PIGL: variants seen among roughly 807,000 people sequenced by gnomAD.
PIGL encodes N-acetylglucosaminyl-phosphatidylinositol de-N-acetylase.
Under a neutral mutation model 31.1 loss-of-function variants are expected in PIGL, and 22 were observed. The observed-to-expected ratio is 0.71, with a 90% CI of 0.51 to 1.01. The LOEUF (loss-of-function observed/expected upper bound fraction) is 1.01, where lower values mean the gene tolerates loss of function less well. PIGL is among the 50% of genes least tolerant of loss of function. PIGL has a pLI of 0.00. For synonymous variants in PIGL, 131 were observed against 117.4 expected (o/e 1.12, Z -0.75); for missense variants, 302 against 315.9 (o/e 0.96, Z 0.33).
At chr17:16,318,939 A>C (rs988220723) in intron 6 of PIGL, among the ~76,000 whole-genome samples, 2 of 151,354 alleles carry the variant, frequency 1.3e-5, no homozygotes, top group African/African-American at 2.4e-5. Flanking sequence ...CAAAAAAAAA[A>C]CAACAAAAAA....
chr17:16,311,185 C>A (rs1239745216), intron 3 of PIGL, among the ~76,000 whole-genome samples: 1 of 152,042 alleles, frequency 6.6e-6, no homozygotes, highest in Non-Finnish European at 1.5e-5. Flanking sequence ...CTTTTCATCA[C>A]CCCTAATCAA....
intron 1 of PIGL, among the ~76,000 whole-genome samples, chr17:16,230,966 T>C (rs1024241211): frequency 1.3e-5 from 2 of 151,680 alleles, no homozygotes; most frequent in African/African-American, 2.4e-5. Flanking sequence ...GATGCCTTCA[T>C]GCCCAGTCCA....
intron 2 of PIGL, among the ~76,000 whole-genome samples, chr17:16,285,361 TG>T (rs566613083): frequency 1.7e-4 from 25 of 150,612 alleles, no homozygotes; most frequent in African/African-American, 5.6e-4. Context: ...CCAAGGCAGG[TG>T]GATCACGAGG....
In PIGL at chr17:16,300,007, C is replaced by T. The variant is rs547748558; in HGVS notation, c.426+29C>T. ...AGGGGGCAGCTCCCTGAATGGAAAA[C>T]CTGAGGTCTTGGTCCCATTCACACC... On this transcript the variant is annotated intron_variant, in intron 3 of 6. Coordinates refer to ENST00000225609, the MANE Select transcript of PIGL (RefSeq NM_004278.4). 3 of 1,554,216 alleles carry T rather than the reference C, an allele frequency of 1.9e-6. No homozygotes were observed. In the South Asian group the frequency reaches 3.3e-5, roughly 17 times the overall value.
intron 1 of PIGL, among the ~76,000 whole-genome samples, chr17:16,220,368 A>C (rs1013093551): frequency 6.6e-6 from 1 of 151,660 alleles, no homozygotes; most frequent in African/African-American, 2.4e-5. Flanking sequence ...ATAGAGAGAG[A>C]GAGCATGCAC....
intron 1 of PIGL, among the ~76,000 whole-genome samples, chr17:16,221,006 T>C (rs2142632570): frequency 6.6e-6 from 1 of 152,260 alleles, no homozygotes; most frequent in East Asian, 1.9e-4. Flanking sequence ...CTGTCAGCTC[T>C]CATATCAGGT....
intron 2 of PIGL, among the ~76,000 whole-genome samples, chr17:16,249,807 T>C (rs2142724181): frequency 1.3e-5 from 2 of 152,364 alleles, no homozygotes; most frequent in Non-Finnish European, 2.9e-5. Context: ...CCTACCTACA[T>C]TGATGGCATG....
At position 16,310,286 on chromosome 17, in the gene PIGL, A is replaced by AGTGTGTGTGTGT. The variant is rs10522327; in HGVS notation, c.427-3234_427-3223dup. ...TAAAATGTCTTCTGAATTATTAAAA[A>AGTGTGTGTGTGT]GTGTGTGTGTGTGTGTGTGTGTGTG... On this transcript the variant is annotated intron_variant, in intron 3 of 6. Transcript: ENST00000225609. Among the ~76,000 whole-genome samples the AGTGTGTGTGTGT allele has an allele frequency of 1.1e-3, 159 of 146,368 alleles. 1 individual carries two copies. Among genetic ancestry groups the AGTGTGTGTGTGT allele is most frequent in the African/African-American group, 3.7e-3 (147 of 39,332 alleles).
intron 2 of PIGL, among the ~76,000 whole-genome samples, chr17:16,245,022 C>T (rs755121324): frequency 2.0e-5 from 3 of 151,196 alleles, no homozygotes; most frequent in Admixed American, 6.6e-5. Context: ...GACGGAGTTT[C>T]GCTCTTGTTG....
intron 2 of PIGL, among the ~76,000 whole-genome samples, chr17:16,292,233 C>T (rs2092964176): frequency 6.6e-6 from 1 of 151,728 alleles, no homozygotes; most frequent in African/African-American, 2.4e-5. Flanking sequence ...TGTGCTTCAC[C>T]GTGTTGGCCA....
intron 6 of PIGL, among the ~76,000 whole-genome samples, chr17:16,320,278 G>A (rs1291681168): frequency 9.0e-6 from 1 of 111,670 alleles, no homozygotes; most frequent in East Asian, 3.1e-4. Context: ...GAGGAGAGGG[G>A]AGGGGAGGGA....
In PIGL at chr17:16,298,461, C is replaced by T. The variant is rs1224292455; in HGVS notation, c.336-1427C>T. Among the ~76,000 whole-genome samples, 6 of 152,048 alleles carry T rather than the reference C, an allele frequency of 3.9e-5. No homozygotes were observed. The East Asian group carries it at 1.2e-3, about 29-fold the overall frequency. On this transcript the variant is annotated intron_variant, in intron 2 of 6. Transcript: ENST00000225609. The stretch of plus-strand genomic sequence containing the variant: ...GGCCTTAGTCTCATATCAGGTGACA[C>T]CATAGATCAAAGCACAGAAAAGAGA...
At chr17:16,252,024 AC>A (rs1232506961) in intron 2 of PIGL, among the ~76,000 whole-genome samples, 6 of 151,842 alleles carry the variant, frequency 4.0e-5, no homozygotes, top group Non-Finnish European at 8.8e-5. Flanking sequence ...ATTTAGAAAA[AC>A]AAAAACACGA....
intron 2 of PIGL, among the ~76,000 whole-genome samples, chr17:16,237,731 G>A (rs887906152): frequency 4.7e-5 from 7 of 150,232 alleles, no homozygotes; most frequent in Non-Finnish European, 8.9e-5. Context: ...CCCAGAAGGT[G>A]GAGGCTGCAG....
chr17:16,268,298 A>G (rs1009768566), intron 2 of PIGL, among the ~76,000 whole-genome samples: 2 of 152,168 alleles, frequency 1.3e-5, no homozygotes, highest in Non-Finnish European at 2.9e-5. Context: ...TAGTACAAAC[A>G]TAGTGCAAGA....
intron 6 of PIGL, among the ~76,000 whole-genome samples, chr17:16,323,911 C>T (rs970418888): frequency 1.3e-5 from 2 of 151,692 alleles, no homozygotes; most frequent in Non-Finnish European, 2.9e-5. Context: ...GACACCGTGC[C>T]CTGCCCAAAG....
intron 6 of PIGL, among the ~76,000 whole-genome samples, chr17:16,322,384 C>T (rs1432498948): frequency 6.6e-6 from 1 of 152,116 alleles, no homozygotes; most frequent in Non-Finnish European, 1.5e-5. Context: ...CGGGAGTCAC[C>T]GCACCCAGCC....
intron 3 of PIGL, among the ~76,000 whole-genome samples, chr17:16,304,344 A>G (rs911037166): frequency 2.6e-5 from 4 of 152,212 alleles, no homozygotes; most frequent in African/African-American, 9.6e-5. Context: ...CATCATCCAA[A>G]GCAAAGCTGG....
chr17:16,308,834 C>T (rs1446812239), intron 3 of PIGL, among the ~76,000 whole-genome samples: 1 of 132,822 alleles, frequency 7.5e-6, no homozygotes, highest in East Asian at 2.3e-4. Flanking sequence ...CCCTCTGTTG[C>T]CCAGGCTGGA....
Sources: gnomAD v4.1 joint callset for allele counts (sites outside exome capture counted in the v4.1 genomes callset) on GRCh38, gnomAD v4.1.1 for gene constraint, MANE v1.5 for transcripts, NCBI Gene and HGNC (gene_info 2026-07-23, HGNC 2026-07-21) for gene names.